The following SPOP variants were observed in gnomAD, a reference collection of about 807,000 sequenced individuals.
SPOP encodes speckle type BTB/POZ protein.
In SPOP, 11 loss-of-function variants were observed where a neutral mutation model predicts 45.6. The observed-to-expected ratio is 0.24, with a 90% CI of 0.15 to 0.40. SPOP has a LOEUF of 0.40. SPOP is among the 10% of genes least tolerant of loss of function. The pLI is 1.00. For synonymous variants in SPOP, 166 were observed against 166.3 expected, an observed-to-expected ratio of 1.00 and a Z score of 0.01; for missense variants, 152 against 465.6, an observed-to-expected ratio of 0.33 and a Z score of 6.20.
At chr17:49,606,495 CTTTT>C (rs71146920) in intron 8 of SPOP, among the ~76,000 whole-genome samples, 3 of 69,332 alleles carry the variant, frequency 4.3e-5, no homozygotes, top group Non-Finnish European at 8.2e-5. Context: ...TTTCTTTTTT[CTTTT>C]TTTTTTTTTT....
At chr17:49,622,589 G>A (rs978276269) in intron 2 of SPOP, 144 bp downstream of exon 2, 1 of 689,640 alleles carries the variant, frequency 1.5e-6, no homozygotes, top group East Asian at 2.7e-5. Flanking sequence ...GGAACCTGAG[G>A]CTAACAAGTA....
chr17:49,628,434 A>G (rs1274837421), intron 1 of SPOP, among the ~76,000 whole-genome samples: 1 of 152,318 alleles, frequency 6.6e-6, no homozygotes, highest in East Asian at 1.9e-4. Flanking sequence ...AGTGGGTATT[A>G]TAAGACCATG....
chr17:49,603,184 G>C (rs2071772049), intron 8 of SPOP, among the ~76,000 whole-genome samples: 1 of 152,204 alleles, frequency 6.6e-6, no homozygotes, highest in Non-Finnish European at 1.5e-5. Flanking sequence ...GCAAAAAAGA[G>C]AGGTTTTATT....
At chr17:49,617,404 G>A (rs1301171452) in intron 5 of SPOP, among the ~76,000 whole-genome samples, 9 of 152,098 alleles carry the variant, frequency 5.9e-5, no homozygotes, top group Non-Finnish European at 1.3e-4. Context: ...AATCTGTGAC[G>A]TTAGATTTAC....
At chr17:49,675,673 G>A (rs562657263) in intron 1 of SPOP, among the ~76,000 whole-genome samples, 9 of 152,194 alleles carry the variant, frequency 5.9e-5, no homozygotes, top group South Asian at 4.2e-4. Context: ...AGCATTGCAC[G>A]CCATCAAAAT....
chr17:49,654,681 A>G (rs1481605085), intron 1 of SPOP, among the ~76,000 whole-genome samples: 1 of 152,188 alleles, frequency 6.6e-6, no homozygotes, highest in Non-Finnish European at 1.5e-5. Flanking sequence ...GCTACTCAGG[A>G]GGCTGAGGCA....
chr17:49,665,920 G>T (rs1376245009), intron 1 of SPOP, among the ~76,000 whole-genome samples: 1 of 150,340 alleles, frequency 6.7e-6, no homozygotes, highest in Non-Finnish European at 1.5e-5. Flanking sequence ...GGAGGCGGAG[G>T]TTGCAGTGAG....
chr17:49,620,293 C>G (rs1355376165), intron 3 of SPOP, among the ~76,000 whole-genome samples: 1 of 151,960 alleles, frequency 6.6e-6, no homozygotes, highest in Non-Finnish European at 1.5e-5. Context: ...GCCTGACCAA[C>G]ATGGTGTAAT....
chr17:49,658,182 ACAAT>A (rs1366878413), intron 1 of SPOP, among the ~76,000 whole-genome samples: 3 of 152,240 alleles, frequency 2.0e-5, no homozygotes, highest in Non-Finnish European at 4.4e-5. Flanking sequence ...TTAAAAACAC[ACAAT>A]CAATTTTTTA....
intron 1 of SPOP, among the ~76,000 whole-genome samples, chr17:49,624,686 C>A (rs1597931723): frequency 6.6e-6 from 1 of 151,942 alleles, no homozygotes; most frequent in Non-Finnish European, 1.5e-5. Context: ...GTTGCCCAGG[C>A]TGGTCTTGAA....
chr17:49,629,018 C>T (rs957100750), intron 1 of SPOP, among the ~76,000 whole-genome samples: 5 of 152,090 alleles, frequency 3.3e-5, no homozygotes, highest in African/African-American at 9.7e-5. Context: ...CCGAGGTGGG[C>T]GGATCATGAG....
intron 1 of SPOP, among the ~76,000 whole-genome samples, chr17:49,628,665 A>G (rs1349441675): frequency 1.3e-5 from 2 of 152,230 alleles, no homozygotes; most frequent in African/African-American, 4.8e-5. Context: ...AACAGTAAGT[A>G]CGTAACAAAA....
intron 5 of SPOP, 64 bp from the exon 6 acceptor site, chr17:49,611,521 G>GAGAGA: frequency 6.4e-7 from 1 of 1,556,256 alleles, no homozygotes; most frequent in Non-Finnish European, 8.8e-7. Context: ...CCAGCAGATA[G>GAGAGA]ACGACTTTTA....
At position 49,621,972 on chromosome 17, in the gene SPOP, T is replaced by C. The variant is rs1264201283; in HGVS notation, c.174A>G (p.Ser58=). The change falls in exon 3 of 10, where the codon TCA becomes TCG. Residue 58 remains serine (S), a synonymous_variant. Transcript: ENST00000504102. ...ATTTCAGTTTATCATTTGCTCCTGA[T>C]GAAAATGTAGAACTTTTAATGACTT... ...MGEVIKSSTF[S]SGANDKLKWC... is the part of the protein sequence containing the mutation. 6 of 1,613,860 alleles carry C rather than the reference T, an allele frequency of 3.7e-6. No homozygotes were observed. Among genetic ancestry groups the C allele is most frequent in the African/African-American group, 1.3e-5 (1 of 74,934 alleles).
intron 1 of SPOP, among the ~76,000 whole-genome samples, chr17:49,665,692 A>ACACACACACACACACACACACACACACAC (rs1488970526): frequency 7.1e-6 from 1 of 141,838 alleles, no homozygotes; most frequent in African/African-American, 2.7e-5. Flanking sequence ...ACACACACAC[A>ACACACACACACACACACACACACACACAC]CACCAATCTG....
rs571879632 is a variant in SPOP, at chr17:49,669,033, C to T, written c.-67+8900G>A. On this transcript the variant is annotated intron_variant, in intron 1 of 9. Coordinates refer to ENST00000504102, the MANE Select transcript of SPOP (RefSeq NM_001007228.2). ...CCTCGTGATCCGCCCATCTCGGCCT[C>T]CCAAAGTGCTGGGATTACAGGCGCG... Among the ~76,000 whole-genome samples, 3 of 151,936 alleles carry T rather than the reference C, an allele frequency of 2.0e-5. No homozygotes were observed. The South Asian group carries it at 6.2e-4, about 32-fold the overall frequency.
intron 1 of SPOP, among the ~76,000 whole-genome samples, chr17:49,676,851 C>T (rs1296539268): frequency 3.9e-5 from 6 of 152,148 alleles, no homozygotes; most frequent in Non-Finnish European, 7.4e-5. Context: ...CTTCAAAGTT[C>T]GTTATTTACA....
chr17:49,669,740 G>C (rs959453855), intron 1 of SPOP, among the ~76,000 whole-genome samples: 23 of 116,868 alleles, frequency 2.0e-4, no homozygotes, highest in African/African-American at 7.8e-4. Flanking sequence ...ACTCCAGCCT[G>C]ATGACAGAGC....
At chr17:49,625,686 T>C (rs2072315136) in intron 1 of SPOP, among the ~76,000 whole-genome samples, 1 of 152,002 alleles carries the variant, frequency 6.6e-6, no homozygotes, top group South Asian at 2.1e-4. Context: ...AAAAAGCAAG[T>C]TTAGGAATGA....
Sources: allele counts gnomAD v4.1 joint callset (sites outside exome capture counted in the v4.1 genomes callset), GRCh38; gene constraint gnomAD v4.1.1; transcripts MANE v1.5; gene names NCBI Gene and HGNC (gene_info 2026-07-23, HGNC 2026-07-21).